FRMPD4: variants seen among roughly 807,000 people sequenced by gnomAD.
FRMPD4 encodes FERM and PDZ domain-containing protein 4.
In FRMPD4, 22 loss-of-function variants were observed where a neutral mutation model predicts 94.1. The ratio of observed to expected loss-of-function variants is 0.23; its 90% CI spans 0.17 to 0.33. FRMPD4 has a LOEUF of 0.33. Ranked by LOEUF, FRMPD4 falls within the 10% of genes least tolerant of loss-of-function variation. The pLI is 1.00. For missense variants in FRMPD4, 1,111 were observed against 1,339.9 expected, an observed-to-expected ratio of 0.83 and a Z score of 2.67; for synonymous variants, 631 against 548.6, an observed-to-expected ratio of 1.15 and a Z score of -2.10.
At chrX:12,068,829 G>A (rs1388333433) in intron 3 of FRMPD4, among the ~76,000 whole-genome samples, 1 of 112,182 alleles carries the variant, frequency 8.9e-6, no homozygotes, top group Non-Finnish European at 1.9e-5. Flanking sequence ...CAAATGTAAT[G>A]TTTAGTGAAT....
At chrX:12,241,521 C>G (rs1474179825) in intron 1 of FRMPD4, among the ~76,000 whole-genome samples, 11 of 112,109 alleles carry the variant, frequency 9.8e-5, no homozygotes, top group Non-Finnish European at 2.1e-4. Flanking sequence ...GCAGCCTGAC[C>G]CCTGACTGGG....
intron 1 of FRMPD4, among the ~76,000 whole-genome samples, chrX:12,472,538 C>G (rs1174955621): frequency 9.0e-6 from 1 of 111,256 alleles, no homozygotes; most frequent in Non-Finnish European, 1.9e-5. Flanking sequence ...TACAGCTAAC[C>G]CATGGCAAAG....
intron 1 of FRMPD4, among the ~76,000 whole-genome samples, chrX:12,311,452 T>C (rs2055029329): frequency 1.8e-5 from 2 of 112,142 alleles, no homozygotes; most frequent in South Asian, 7.4e-4. Context: ...TCAGTGTTGG[T>C]TTGGAGTTAC....
chrX:11,843,979 T>TGAA (rs1491198484), intron 1 of FRMPD4, among the ~76,000 whole-genome samples: 1 of 37,977 alleles, frequency 2.6e-5, no homozygotes, highest in African/African-American at 2.0e-4. Flanking sequence ...TTATGAATTC[T>TGAA]TTTTTTTTTT....
At chrX:12,229,942 T>G (rs1355260931) in intron 1 of FRMPD4, among the ~76,000 whole-genome samples, 9 of 112,349 alleles carry the variant, frequency 8.0e-5, no homozygotes, top group African/African-American at 1.3e-4. Context: ...CTTGTCATTT[T>G]TCTAGACCTT....
chrX:11,852,386 G>C (rs2053628361), intron 1 of FRMPD4, among the ~76,000 whole-genome samples: 1 of 97,089 alleles, frequency 1.0e-5, no homozygotes, highest in Non-Finnish European at 2.0e-5. Flanking sequence ...AGGCTGCAGA[G>C]AGCCATAATC....
chrX:12,642,062 T>TC (rs758771181), intron 4 of FRMPD4, among the ~76,000 whole-genome samples: 7 of 67,003 alleles, frequency 1.0e-4, no homozygotes, highest in Non-Finnish European at 2.0e-4. Flanking sequence ...AAACTAAAGT[T>TC]CATAGAGGAA....
chrX:12,401,491 T>C (rs1379901705), intron 1 of FRMPD4, among the ~76,000 whole-genome samples: 1 of 111,743 alleles, frequency 8.9e-6, no homozygotes, highest in East Asian at 2.8e-4. Flanking sequence ...GCTCCCCATT[T>C]CTGGTCTTCG....
At chrX:12,367,103 G>C (rs931372721) in intron 1 of FRMPD4, among the ~76,000 whole-genome samples, 8 of 112,143 alleles carry the variant, frequency 7.1e-5, no homozygotes, top group African/African-American at 2.6e-4. Flanking sequence ...CCTGGGAGCA[G>C]GTGAAACAGC....
chrX:12,541,532 T>C (rs1278551437), intron 2 of FRMPD4, among the ~76,000 whole-genome samples: 26 of 111,571 alleles, frequency 2.3e-4, no homozygotes, highest in African/African-American at 8.5e-4. Context: ...CTCCCAAGAC[T>C]AAACCAGGAA....
rs192094619 is a variant in FRMPD4, at chrX:12,052,141, C to T, written c.95+174123C>T. Among the ~76,000 whole-genome samples, 539 of 111,626 alleles carry T rather than the reference C, an allele frequency of 4.8e-3. 3 individuals are homozygous for T. Among genetic ancestry groups the T allele is most frequent in the African/African-American group, 0.017 (516 of 30,783 alleles). On this transcript the variant is annotated intron_variant, in intron 3 of 18. Coordinates refer to the FRMPD4 transcript ENST00000640291. The stretch of plus-strand genomic sequence containing the variant: ...CATGGCAATAAGGTCCAATGGCATT[C>T]GGCCTTTTACATGTATTGTGCCAAA...
At chrX:12,700,054 G>A (rs1054742241) in intron 9 of FRMPD4, among the ~76,000 whole-genome samples, 1 of 111,509 alleles carries the variant, frequency 9.0e-6, no homozygotes, top group Non-Finnish European at 1.9e-5. Context: ...TCTTTACACA[G>A]GGCAGAGGGA....
At chrX:12,150,770 G>A (rs1046541992) in intron 1 of FRMPD4, among the ~76,000 whole-genome samples, 2 of 111,340 alleles carry the variant, frequency 1.8e-5, no homozygotes, top group African/African-American at 3.3e-5. Context: ...AATGTACCTG[G>A]TCACCCAAGT....
At chrX:11,915,840 T>C (rs2054021984) in intron 3 of FRMPD4, among the ~76,000 whole-genome samples, 2 of 111,998 alleles carry the variant, frequency 1.8e-5, no homozygotes, top group South Asian at 7.5e-4. Context: ...CATGCCTCAG[T>C]TTCCCCCATC....
chrX:12,628,101 T>C (rs1195597324), intron 4 of FRMPD4, among the ~76,000 whole-genome samples: 1 of 111,507 alleles, frequency 9.0e-6, no homozygotes, highest in Non-Finnish European at 1.9e-5. Context: ...AATCTATTTT[T>C]ACAGGTAACA....
At chrX:11,934,561 T>A (rs1377626066) in intron 3 of FRMPD4, among the ~76,000 whole-genome samples, 1 of 112,201 alleles carries the variant, frequency 8.9e-6, no homozygotes, top group Non-Finnish European at 1.9e-5. Flanking sequence ...CCAGTTCCAG[T>A]AGTTTGTTTT....
chrX:12,599,855 T>G (rs1196330157), intron 2 of FRMPD4, among the ~76,000 whole-genome samples: 1 of 111,657 alleles, frequency 9.0e-6, no homozygotes, highest in African/African-American at 3.3e-5. Context: ...GTGTATTAAT[T>G]TATTCATAAT....
intron 1 of FRMPD4, among the ~76,000 whole-genome samples, chrX:12,255,888 C>G (rs2147817728): frequency 8.9e-6 from 1 of 111,853 alleles, no homozygotes; most frequent in East Asian, 2.8e-4. Flanking sequence ...CAGGGCAAAC[C>G]CATGAACTGA....
rs549001604 is a variant in FRMPD4, at chrX:12,650,743, C to T, written c.423-24120C>T. On this transcript the variant is annotated intron_variant, in intron 4 of 16. Coordinates refer to ENST00000675598, the MANE Select transcript of FRMPD4 (RefSeq NM_001368397.1). ...GCTAAAAAGTTATTTTCCCCAAATA[C>T]GGTTATTGAATGAATAAATTTGAAA... 2.0e-4 allele frequency among the ~76,000 whole-genome samples: 23 copies of T among 112,709 alleles called. No homozygotes were observed. The South Asian group carries it at 7.7e-3, about 38-fold the overall frequency.
Sources: allele counts gnomAD v4.1 joint callset (sites outside exome capture counted in the v4.1 genomes callset), GRCh38; gene constraint gnomAD v4.1.1; transcripts MANE v1.5; gene names NCBI Gene and HGNC (gene_info 2026-07-23, HGNC 2026-07-21).